Variants in CPZ observed in about 807,000 individuals in gnomAD.
CPZ encodes the protein VEZT/CPZ fusion.
Under a neutral mutation model 61.8 loss-of-function variants are expected in CPZ, and 103 were observed. The observed-to-expected ratio is 1.67, with a 90% CI of 1.42 to 1.96. The LOEUF is 1.96. CPZ is among the 30% of genes most tolerant of loss of function. CPZ has a pLI of 0.00. For synonymous variants in CPZ, 551 were observed against 373.7 expected, an observed-to-expected ratio of 1.47 and a Z score of -5.47; for missense variants, 1,461 against 914.9, an observed-to-expected ratio of 1.60 and a Z score of -7.70.
chr4:8,607,166 G>A (rs1715105213), intron 6 of CPZ, 101 bp from the exon 7 acceptor site: 1 of 1,388,986 alleles, frequency 7.2e-7, no homozygotes, highest in Non-Finnish European at 9.8e-7. Flanking sequence ...ACCGTTAATA[G>A]TCTGCACCAT....
chr4:8,618,848 C>G (rs1716437212), intron 10 of CPZ, among the ~76,000 whole-genome samples: 1 of 152,204 alleles, frequency 6.6e-6, no homozygotes, highest in African/African-American at 2.4e-5. Context: ...TGTTTCTATC[C>G]CAAAGTTCAT....
intron 2 of CPZ, 183 bp downstream of exon 2, chr4:8,599,668 C>T (rs1473954937): frequency 1.2e-5 from 17 of 1,428,168 alleles, no homozygotes; most frequent in Non-Finnish European, 1.6e-5. Context: ...CAAAAAAAGA[C>T]CAGCTAGGAA....
At chr4:8,613,789 C>T (rs1389604180) in intron 8 of CPZ, among the ~76,000 whole-genome samples, 1 of 152,170 alleles carries the variant, frequency 6.6e-6, no homozygotes, top group East Asian at 1.9e-4. Context: ...GGTTGTCCAC[C>T]CTAGCCTGGG....
intron 10 of CPZ, 84 bp downstream of exon 10, chr4:8,618,612 A>C: frequency 7.8e-7 from 1 of 1,285,864 alleles, no homozygotes; most frequent in Non-Finnish European, 1.1e-6. Flanking sequence ...TCAGGCACTC[A>C]CAGTGTGCCC....
At position 8,614,433 on chromosome 4, in the gene CPZ, C is replaced by G. The variant is rs144878756; in HGVS notation, c.1438C>G (p.Pro480Ala). Residue 480 changes from proline (P) to alanine (A), a missense_variant, in exon 9 of 11, where the codon CCC (proline) becomes GCC (alanine). Physicochemically the swap from Pro to Ala is conservative, Grantham distance 27. Coordinates refer to ENST00000360986, the MANE Select transcript of CPZ (RefSeq NM_001014447.3). ...TVELGCVKFP[P>A]EEALYILWQH... ...AGAGCTGGGCTGTGTGAAGTTCCCC[C>G]CCGAGGAGGCCCTGTACATACTCTG... 5.1e-3 allele frequency: 8,181 copies of G among 1,614,012 alleles called. 54 individuals carry two copies. Among genetic ancestry groups the G allele is most frequent in the Middle Eastern group, 0.029 (173 of 6,060 alleles).
In CPZ at chr4:8,618,212, C is replaced by A. The variant is rs192722458; in HGVS notation, c.1504-217C>A. 7.9e-4 allele frequency: 451 copies of A among 573,030 alleles called. 4 individuals carry two copies. Among genetic ancestry groups the A allele is most frequent in the African/African-American group, 7.7e-3 (412 of 53,298 alleles). The allele number at this position is 573,030 out of a possible 1,614,324, so 35.5% of individuals were successfully genotyped here. ...TGCAGGGTCATTCAAAAGCCCAGAA[C>A]GTGCTCGGGTCAATTGCCAGGGAGG... is the stretch of plus-strand genomic sequence containing the variant. On this transcript the variant is annotated intron_variant, in intron 9 of 10. Coordinates refer to ENST00000360986, the MANE Select transcript of CPZ (RefSeq NM_001014447.3).
chr4:8,594,525 A>G (rs1394747067), intron 1 of CPZ, among the ~76,000 whole-genome samples: 1 of 152,110 alleles, frequency 6.6e-6, no homozygotes, highest in Non-Finnish European at 1.5e-5. Context: ...GACCTCATTC[A>G]GGTCTCATCC....
intron 2 of CPZ, 101 bp from the exon 3 acceptor site, chr4:8,601,022 T>C (rs1714532567): frequency 1.4e-6 from 2 of 1,446,382 alleles, no homozygotes; most frequent in South Asian, 1.5e-5. Context: ...TGCCCCTCCC[T>C]GCAGGCCCTG....
chr4:8,597,493 A>G (rs1714261475), intron 1 of CPZ: 1 of 152,154 alleles, frequency 6.6e-6, no homozygotes, highest in Non-Finnish European at 1.5e-5. Context: ...GGGTGTCTGG[A>G]CAGTCTCACG....
At chr4:8,600,148 T>G (rs1193379478) in intron 2 of CPZ, among the ~76,000 whole-genome samples, 1 of 152,162 alleles carries the variant, frequency 6.6e-6, no homozygotes, top group African/African-American at 2.4e-5. Context: ...TATTTATTTA[T>G]TTTTATTTTT....
At chr4:8,618,134 G>C (rs1020773688) in intron 9 of CPZ, 5 of 395,452 alleles carry the variant, frequency 1.3e-5, no homozygotes, top group Non-Finnish European at 2.3e-5. Context: ...TGGCAGGAAA[G>C]GGTTCTCTGC....
intron 9 of CPZ, 123 bp from the exon 10 acceptor site, chr4:8,618,306 G>A: frequency 1.2e-6 from 1 of 810,202 alleles, no homozygotes. Context: ...GCAGAGTGGG[G>A]CTCTGTGGGG....
intron 1 of CPZ, 136 bp from the exon 2 acceptor site, chr4:8,599,317 A>G (rs1714400027): frequency 4.0e-6 from 4 of 1,001,126 alleles, no homozygotes; most frequent in Non-Finnish European, 4.2e-6. Flanking sequence ...GGCTGCTGTG[A>G]AGACTCCATG....
intron 8 of CPZ, among the ~76,000 whole-genome samples, chr4:8,614,112 A>C (rs752906369): frequency 1.1e-4 from 16 of 152,340 alleles, no homozygotes; most frequent in South Asian, 2.1e-4. Flanking sequence ...GCGGATCTGC[A>C]AAGTGGGGAT....
chr4:8,597,972 T>C (rs12504473), intron 1 of CPZ, among the ~76,000 whole-genome samples: 150,275 of 152,336 alleles, frequency 0.99, 74,155 homozygotes, highest in East Asian at 1. Flanking sequence ...CTTCCCTGCC[T>C]TCCACAGCCC....
rs1178088527 is a variant in CPZ, at chr4:8,612,182, G to A, written c.1363+20G>A. On this transcript the variant is annotated intron_variant, in intron 8 of 10. Transcript: ENST00000360986. ...CGGGAGGTGCGGCTTCCGCAGGGCG[G>A]GACTGGGCGGGGGGTGGGGGGTGCA... The A allele has an allele frequency of 2.5e-6, 2 of 788,682 alleles. No homozygotes were observed. The highest frequency in any genetic ancestry group is 3.6e-6 in the Non-Finnish European group (2 of 557,096). 48.9% of individuals were successfully genotyped at this position (788,682 alleles called of 1,614,324 possible).
intron 9 of CPZ, among the ~76,000 whole-genome samples, chr4:8,616,031 G>T (rs10755199): frequency 6.6e-6 from 1 of 152,168 alleles, no homozygotes. Flanking sequence ...ATGAACATGA[G>T]GTTGAAGGAG....
At position 8,619,245 on chromosome 4, in the gene CPZ, A is replaced by G; in HGVS notation, c.1604-17A>G. On this transcript the variant is annotated splice_polypyrimidine_tract_variant and intron_variant, in intron 10 of 10. Coordinates refer to ENST00000360986, the MANE Select transcript of CPZ (RefSeq NM_001014447.3). ...TGCAGTCCTCGTGAGAATCATTTTT[A>G]ATCTATTTGTCCACAGCCCCAGATG... is the stretch of plus-strand genomic sequence containing the variant. 1 of 1,586,602 alleles carries G rather than the reference A, an allele frequency of 6.3e-7. No homozygotes were observed. The highest frequency in any genetic ancestry group is 8.6e-7 in the Non-Finnish European group (1 of 1,166,676).
chr4:8,593,988 C>G (rs986180522), intron 1 of CPZ, among the ~76,000 whole-genome samples: 1 of 152,140 alleles, frequency 6.6e-6, no homozygotes, highest in Non-Finnish European at 1.5e-5. Context: ...TATCTAGAAT[C>G]ATAGGCTTGT....
Sources: allele counts gnomAD v4.1 joint callset (sites outside exome capture counted in the v4.1 genomes callset), GRCh38; gene constraint gnomAD v4.1.1; transcripts MANE v1.5; gene names NCBI Gene and HGNC (gene_info 2026-07-23, HGNC 2026-07-21).